The following SLC25A21 variants were observed in gnomAD, a reference collection of about 807,000 sequenced individuals.
SLC25A21 encodes the protein solute carrier family 25 member 21, also known as mitochondrial 2-oxodicarboxylate carrier.
Under a neutral mutation model 43.8 loss-of-function variants are expected in SLC25A21, and 47 were observed. The ratio of observed to expected loss-of-function variants is 1.07; its 90% CI spans 0.85 to 1.37. The LOEUF is 1.37. Among genes scored for constraint, SLC25A21 ranks in the 40% most tolerant of loss-of-function variants. The pLI, the probability that SLC25A21 is intolerant of heterozygous loss-of-function variation, is 0.00. For synonymous variants in SLC25A21, 131 were observed against 121.3 expected, an observed-to-expected ratio of 1.08 and a Z score of -0.52; for missense variants, 352 against 350.2, an observed-to-expected ratio of 1.00 and a Z score of -0.04.
chr14:37,033,128 C>T (rs1225739403), intron 1 of SLC25A21, among the ~76,000 whole-genome samples: 7 of 151,678 alleles, frequency 4.6e-5, no homozygotes, highest in Admixed American at 4.6e-4. Flanking sequence ...AACAGCTCTC[C>T]GTTTCCTACT....
chr14:37,151,019 TTCTCTCTCTC>T (rs367625540), intron 1 of SLC25A21, among the ~76,000 whole-genome samples: 1 of 150,586 alleles, frequency 6.6e-6, no homozygotes, highest in Non-Finnish European at 1.5e-5. Flanking sequence ...CATTGGTAGG[TTCTCTCTCTC>T]TCTCTCTCTT....
intron 2 of SLC25A21, chr14:36,870,484 G>A (rs1237154885): frequency 6.6e-6 from 1 of 152,100 alleles, no homozygotes; most frequent in Non-Finnish European, 1.5e-5. Flanking sequence ...AGAGAAGATG[G>A]CATCCGGCCA....
Position 36,859,794 on chromosome 14 carries a change from T to G in SLC25A21, c.119+15162A>C, listed in dbSNP as rs377576967. 1.6e-4 allele frequency among the ~76,000 whole-genome samples: 24 copies of G among 152,342 alleles called. No homozygotes were observed. The South Asian group carries it at 4.8e-3, about 30-fold the overall frequency. ...GAAATATAAGAAAAAAATCTGTGAA[T>G]TGATTCTGTGTGAAACCTGGCTCAT... On this transcript the variant is annotated intron_variant, in intron 2 of 9. Coordinates refer to ENST00000331299, the MANE Select transcript of SLC25A21 (RefSeq NM_030631.4).
chr14:37,172,536 G>A lies in SLC25A21; in HGVS notation c.-186C>T, dbSNP rs1274636628. On this transcript the variant is annotated 5_prime_UTR_variant, in exon 1 of 10. Coordinates refer to ENST00000331299, the MANE Select transcript of SLC25A21 (RefSeq NM_030631.4). ...GGCGCAGATTCGTCGCGCGATCTCCGGCGCGTCGGAACCTGTTCGCAGCGC... is the reference window on the plus strand; with the variant it reads ...GGCGCAGATTCGTCGCGCGATCTCCAGCGCGTCGGAACCTGTTCGCAGCGC... 1 of 734,896 alleles carries A rather than the reference G, an allele frequency of 1.4e-6. No homozygotes were observed. Among genetic ancestry groups the A allele is most frequent in the Non-Finnish European group, 2.4e-6 (1 of 410,522 alleles). The allele number at this position is 734,896 out of a possible 1,614,324, so 45.5% of individuals were successfully genotyped here.
intron 2 of SLC25A21, among the ~76,000 whole-genome samples, chr14:36,858,463 G>A (rs1889968148): frequency 6.6e-6 from 1 of 152,130 alleles, no homozygotes; most frequent in Admixed American, 6.5e-5. Context: ...ACATGAGAAT[G>A]ACAGGATTCT....
chr14:36,956,057 T>C (rs893334485), intron 1 of SLC25A21, among the ~76,000 whole-genome samples: 2 of 152,158 alleles, frequency 1.3e-5, no homozygotes, highest in Non-Finnish European at 2.9e-5. Context: ...TTTTTTCAAC[T>C]TTGTGTCTGT....
intron 2 of SLC25A21, among the ~76,000 whole-genome samples, chr14:36,838,573 C>T (rs984012481): frequency 3.9e-5 from 6 of 152,168 alleles, no homozygotes; most frequent in South Asian, 2.1e-4. Flanking sequence ...GTATGCAGAA[C>T]AGGATGCCAG....
intron 3 of SLC25A21, among the ~76,000 whole-genome samples, chr14:36,761,167 G>C (rs1317339467): frequency 6.6e-6 from 1 of 152,116 alleles, no homozygotes; most frequent in Non-Finnish European, 1.5e-5. Context: ...TCACCATTCA[G>C]TTTGTGCATC....
At chr14:36,997,872 C>T (rs1000774540) in intron 1 of SLC25A21, among the ~76,000 whole-genome samples, 6 of 151,774 alleles carry the variant, frequency 4.0e-5, no homozygotes, top group Non-Finnish European at 7.4e-5. Context: ...TGCTTTCATC[C>T]AAGTTTTATA....
chr14:36,723,573 C>T (rs761707749), intron 6 of SLC25A21, among the ~76,000 whole-genome samples: 1 of 152,212 alleles, frequency 6.6e-6, no homozygotes, highest in Non-Finnish European at 1.5e-5. Context: ...ACATAATTTA[C>T]ACCGACTGCA....
chr14:36,962,217 G>C lies in SLC25A21; in HGVS notation c.71-87213C>G, dbSNP rs920605317. Among the ~76,000 whole-genome samples, 3 of 152,078 alleles carry C rather than the reference G, an allele frequency of 2.0e-5. No individual in the cohort carries two copies. In the South Asian group the frequency reaches 6.2e-4, roughly 32 times the overall value. On this transcript the variant is annotated intron_variant, in intron 1 of 9. Transcript: ENST00000331299. Reference sequence around the variant, plus strand: ...GTTTTTAAATATCTTTAAAAAATTAGAGTATTTGAGGTTTACAACATGATG... The same window carrying C: ...GTTTTTAAATATCTTTAAAAAATTACAGTATTTGAGGTTTACAACATGATG...
At chr14:37,120,576 T>C (rs979431622) in intron 1 of SLC25A21, among the ~76,000 whole-genome samples, 11 of 152,068 alleles carry the variant, frequency 7.2e-5, no homozygotes, top group East Asian at 5.8e-4. Flanking sequence ...AGACTACCCA[T>C]GAAGCATAAG....
intron 1 of SLC25A21, among the ~76,000 whole-genome samples, chr14:37,104,554 T>G (rs1566884723): frequency 6.6e-6 from 1 of 152,166 alleles, no homozygotes; most frequent in African/African-American, 2.4e-5. Flanking sequence ...AATACGAAAA[T>G]AGCTATATAT....
chr14:36,953,308 T>C (rs1221324136), intron 1 of SLC25A21, among the ~76,000 whole-genome samples: 2 of 152,222 alleles, frequency 1.3e-5, no homozygotes, highest in African/African-American at 2.4e-5. Context: ...TATTTTTCTA[T>C]GTAGCCCAAA....
chr14:37,162,639 C>CTG (rs1963965085), intron 1 of SLC25A21, among the ~76,000 whole-genome samples: 1 of 152,136 alleles, frequency 6.6e-6, no homozygotes, highest in African/African-American at 2.4e-5. Flanking sequence ...AGTCAGGAAA[C>CTG]AACAGGTGCT....
intron 1 of SLC25A21, among the ~76,000 whole-genome samples, chr14:37,102,878 G>A (rs1053208846): frequency 4.0e-5 from 6 of 151,306 alleles, no homozygotes; most frequent in Admixed American, 6.6e-5. Flanking sequence ...CCAGCTACTC[G>A]GGAGGCTGAG....
At position 36,679,447 on chromosome 14, in the gene SLC25A21, C is replaced by A; in HGVS notation, c.*1211G>T. On this transcript the variant is annotated 3_prime_UTR_variant, in exon 10 of 10. Coordinates refer to ENST00000331299, the MANE Select transcript of SLC25A21 (RefSeq NM_030631.4). ...AATAGCCCACGGTAGTAACTTAGGA[C>A]AGGTGTCATATGGACTTTCAGTTAT... The A allele has an allele frequency of 1.0e-6, 1 of 985,308 alleles. No individual in the cohort carries two copies. The highest frequency in any genetic ancestry group is 4.7e-5 in the South Asian group (1 of 21,266). The allele number at this position is 985,308 out of a possible 1,614,324, so 61.0% of individuals were successfully genotyped here.
In SLC25A21 at chr14:36,856,891, T is replaced by C. The variant is rs541768903; in HGVS notation, c.119+18065A>G. 5.4e-3 allele frequency among the ~76,000 whole-genome samples: 818 copies of C among 152,290 alleles called. 9 individuals are homozygous for C. The highest frequency in any genetic ancestry group is 0.019 in the African/African-American group (773 of 41,546). ...GGTTGACATGAATATCTGGCTTGCT[T>C]TCTTTTCATGTAATTTGGGAACCTT... On this transcript the variant is annotated intron_variant, in intron 2 of 9. Transcript: ENST00000331299.
rs1961494162 is a variant in SLC25A21 at position 37,042,465 on chromosome 14, T to A, written c.70+129816A>T. 2.0e-5 allele frequency among the ~76,000 whole-genome samples: 3 copies of A among 152,320 alleles called. No homozygotes were observed. In the South Asian group the frequency reaches 6.2e-4, roughly 32 times the overall value. On this transcript the variant is annotated intron_variant, in intron 1 of 9. Coordinates refer to ENST00000331299, the MANE Select transcript of SLC25A21 (RefSeq NM_030631.4). ...CAAAGGAATTTCTTAGACTCTCCCATTTTCTTTTTTAAAATAGAAAATAAC... is the reference window on the plus strand; with the variant it reads ...CAAAGGAATTTCTTAGACTCTCCCAATTTCTTTTTTAAAATAGAAAATAAC...
Sources: allele counts gnomAD v4.1 joint callset (sites outside exome capture counted in the v4.1 genomes callset), GRCh38; gene constraint gnomAD v4.1.1; transcripts MANE v1.5; gene names NCBI Gene and HGNC (gene_info 2026-07-23, HGNC 2026-07-21).